Variants in ADGRL2 observed in about 807,000 individuals in gnomAD.
The protein encoded by ADGRL2 is adhesion G protein-coupled receptor L2, also known as calcium-independent alpha-latrotoxin receptor 2.
ADGRL2 carries 44 observed loss-of-function variants against 157.4 expected under a neutral mutation model. The observed-to-expected ratio is 0.28, with a 90% CI of 0.22 to 0.36. ADGRL2 has a LOEUF of 0.36. ADGRL2 is among the 10% of genes least tolerant of loss of function. The probability of loss-of-function intolerance (pLI) is 1.00; values close to 1 mark genes in which losing one functional copy is unlikely to be tolerated. For synonymous variants in ADGRL2, 585 were observed against 624.7 expected, an observed-to-expected ratio of 0.94 and a Z score of 0.95; for missense variants, 1,510 against 1,768.9, an observed-to-expected ratio of 0.85 and a Z score of 2.63.
intron 3 of ADGRL2, among the ~76,000 whole-genome samples, chr1:81,599,672 A>T (rs1047625002): frequency 1.5e-4 from 23 of 152,090 alleles, no homozygotes; most frequent in South Asian, 2.1e-4. Context: ...AATTTTTTTT[A>T]AAAAATTCAT....
rs562127808 is a variant in ADGRL2 at position 81,754,207 on chromosome 1, C to T, written c.-142-7604C>T. ...GATTTCATAGATTCCCTCCCTCCCT[C>T]CCTCCCTTCCTTCCTCTCTCTCTTT... On this transcript the variant is annotated intron_variant, in intron 1 of 20. Transcript: ENST00000359929. Among the ~76,000 whole-genome samples, 198 of 142,970 alleles carry T rather than the reference C, an allele frequency of 1.4e-3. 1 individual carries two copies. Among genetic ancestry groups the T allele is most frequent in the Non-Finnish European group, 2.6e-3 (167 of 64,524 alleles). 93.8% of individuals were successfully genotyped at this position (142,970 alleles called of 152,430 possible). A position where few individuals can be genotyped will look rare whatever the true frequency, so the allele number is the denominator to read the frequency against.
intron 17 of ADGRL2, 48 bp from the exon 18 acceptor site, chr1:81,979,821 T>C (rs777364326): frequency 9.3e-7 from 1 of 1,071,678 alleles, no homozygotes; most frequent in East Asian, 2.4e-5. Context: ...ACTATTCATT[T>C]TTCAGCTCTT....
intron 2 of ADGRL2, among the ~76,000 whole-genome samples, chr1:81,489,106 G>A (rs1386452829): frequency 6.6e-6 from 1 of 151,858 alleles, no homozygotes; most frequent in African/African-American, 2.4e-5. Context: ...GGCACGTGGT[G>A]TGCTCCTGTA....
chr1:81,867,593 GTTAA>G (rs1218781039), intron 2 of ADGRL2, among the ~76,000 whole-genome samples: 11 of 152,150 alleles, frequency 7.2e-5, no homozygotes, highest in African/African-American at 2.4e-4. Context: ...TTATCTGTAG[GTTAA>G]TTCTTATCTA....
chr1:81,335,228 T>C (rs1661553065), intron 1 of ADGRL2, among the ~76,000 whole-genome samples: 1 of 152,228 alleles, frequency 6.6e-6, no homozygotes, highest in South Asian at 2.1e-4. Context: ...TAAAAATACT[T>C]TTTGTGAAGT....
At chr1:81,605,858 A>G (rs2081422008) in intron 3 of ADGRL2, among the ~76,000 whole-genome samples, 1 of 152,212 alleles carries the variant, frequency 6.6e-6, no homozygotes, top group African/African-American at 2.4e-5. Flanking sequence ...CCTTATACAT[A>G]TTTGAATTAA....
intron 1 of ADGRL2, among the ~76,000 whole-genome samples, chr1:81,435,326 C>A (rs1416052735): frequency 6.6e-6 from 1 of 152,156 alleles, no homozygotes; most frequent in African/African-American, 2.4e-5. Context: ...GAAACTGTGA[C>A]ATCAGAGGAA....
At chr1:81,426,791 G>A in intron 1 of ADGRL2, 1 of 475,452 alleles carries the variant, frequency 2.1e-6, no homozygotes, top group Admixed American at 2.5e-5. Flanking sequence ...ACTCTTTCTA[G>A]AGAGGAGTCG....
At chr1:81,979,750 A>G (rs1020030412) in intron 17 of ADGRL2, 119 bp from the exon 18 acceptor site, 2 of 604,056 alleles carry the variant, frequency 3.3e-6, no homozygotes, top group African/African-American at 3.7e-5. Flanking sequence ...TGATCATTGC[A>G]TACATAAAAA....
intron 2 of ADGRL2, chr1:81,557,757 C>T (rs1030921194): frequency 1.3e-5 from 2 of 152,074 alleles, no homozygotes; most frequent in Non-Finnish European, 1.5e-5. Flanking sequence ...TCTGAAGAAG[C>T]GAAGTCTGGC....
At chr1:81,868,690 C>T (rs568438657) in intron 2 of ADGRL2, among the ~76,000 whole-genome samples, 63 of 152,242 alleles carry the variant, frequency 4.1e-4, no homozygotes, top group Admixed American at 2.1e-3. Context: ...AAACACCCTT[C>T]TCCCCTACAA....
At chr1:81,653,916 A>G (rs2148851622) in intron 3 of ADGRL2, among the ~76,000 whole-genome samples, 1 of 151,980 alleles carries the variant, frequency 6.6e-6, no homozygotes, top group South Asian at 2.1e-4. Context: ...TCCCCCTCAG[A>G]GTTCAGCTTC....
intron 1 of ADGRL2, among the ~76,000 whole-genome samples, chr1:81,339,170 G>A (rs951603330): frequency 6.6e-6 from 1 of 152,156 alleles, no homozygotes; most frequent in Non-Finnish European, 1.5e-5. Context: ...CCTTCCCATG[G>A]ATTATTTTGT....
At chr1:81,519,052 C>G (rs1303645123) in intron 2 of ADGRL2, among the ~76,000 whole-genome samples, 3 of 152,020 alleles carry the variant, frequency 2.0e-5, no homozygotes, top group Non-Finnish European at 4.4e-5. Flanking sequence ...TTTATTAGGC[C>G]CATTTTACAG....
intron 1 of ADGRL2, among the ~76,000 whole-genome samples, chr1:81,707,188 A>G (rs80209424): frequency 0.08 from 12,243 of 152,168 alleles, 565 homozygotes; most frequent in Middle Eastern, 0.11. Context: ...TTGATGACTA[A>G]GGTTAATTAT....
intron 3 of ADGRL2, among the ~76,000 whole-genome samples, chr1:81,594,823 C>G (rs939677748): frequency 6.6e-6 from 1 of 152,180 alleles, no homozygotes; most frequent in African/African-American, 2.4e-5. Context: ...AAAAGTAAAT[C>G]ATTTTCAGTC....
intron 1 of ADGRL2, among the ~76,000 whole-genome samples, chr1:81,334,618 G>T (rs1308190452): frequency 1.3e-5 from 2 of 152,136 alleles, no homozygotes; most frequent in Non-Finnish European, 2.9e-5. Context: ...AAAAAGCAAT[G>T]AAAATGGTTT....
At chr1:81,935,358 A>G (rs1410734561) in intron 3 of ADGRL2, among the ~76,000 whole-genome samples, 1 of 151,980 alleles carries the variant, frequency 6.6e-6, no homozygotes, top group East Asian at 1.9e-4. Flanking sequence ...AGTTACTTAT[A>G]CTTTATTTAG....
rs552322182 is a variant in ADGRL2 at position 81,966,417 on chromosome 1, G to A, written c.2157G>A (p.Leu719=). The stretch of plus-strand genomic sequence containing the variant: ...TTACCTTCCTAGGGCTTGCAAAGTT[G>A]GTGTTCATCATTTACCGGAGCCTGG... ...KQNSRNGLAK[L]VFIIYRSLGQ... Residue 719 remains leucine (L), a synonymous_variant, in exon 13 of 24, where the codon TTG becomes TTA. Transcript: ENST00000686636. The A allele has an allele frequency of 2.5e-5, 41 of 1,613,880 alleles. No individual in the cohort carries two copies. The South Asian group carries it at 4.3e-4, about 17-fold the overall frequency.
Sources: allele counts gnomAD v4.1 joint callset (sites outside exome capture counted in the v4.1 genomes callset), GRCh38; gene constraint gnomAD v4.1.1; transcripts MANE v1.5; gene names NCBI Gene and HGNC (gene_info 2026-07-23, HGNC 2026-07-21).